The following YTHDC2 variants were observed in gnomAD, a reference collection of about 807,000 sequenced individuals.
YTHDC2 encodes YTH N6-methyladenosine RNA binding protein C2, also known as 3'-5' RNA helicase YTHDC2.
YTHDC2 carries 45 observed loss-of-function variants against 174.9 expected under a neutral mutation model. The observed-to-expected ratio is 0.26, with a 90% CI of 0.20 to 0.33. YTHDC2 has a LOEUF of 0.33. Ranked by LOEUF, YTHDC2 falls within the 10% of genes least tolerant of loss-of-function variation. The pLI is 1.00. For synonymous variants in YTHDC2, 657 were observed against 574.5 expected (o/e 1.14, Z -2.05); for missense variants, 1,650 against 1,723.7 (o/e 0.96, Z 0.76).
intron 4 of YTHDC2, among the ~76,000 whole-genome samples, chr5:113,529,059 C>T (rs1774478113): frequency 6.6e-6 from 1 of 151,918 alleles, no homozygotes; most frequent in Non-Finnish European, 1.5e-5. Context: ...GATATTTTTC[C>T]AAGTCAGTGC....
At chr5:113,586,898 A>G (rs1778713169) in intron 26 of YTHDC2, among the ~76,000 whole-genome samples, 1 of 133,162 alleles carries the variant, frequency 7.5e-6, no homozygotes, top group Non-Finnish European at 1.6e-5. Flanking sequence ...ATATATAAAT[A>G]TATATTATGT....
At chr5:113,537,526 T>C (rs565876962) in intron 7 of YTHDC2, among the ~76,000 whole-genome samples, 2 of 152,014 alleles carry the variant, frequency 1.3e-5, no homozygotes, top group Admixed American at 1.3e-4. Context: ...CTAGAATTAT[T>C]CCCTTGATCC....
intron 16 of YTHDC2, 107 bp downstream of exon 16, chr5:113,554,129 ACTC>A: frequency 1.5e-6 from 1 of 651,582 alleles, no homozygotes; most frequent in Non-Finnish European, 2.0e-6. Flanking sequence ...TTTTACCTCT[ACTC>A]AAGACAGCTT....
chr5:113,533,816 T>C (rs10477495), intron 5 of YTHDC2, among the ~76,000 whole-genome samples: 49,165 of 151,938 alleles, frequency 0.32, 9,875 homozygotes, highest in African/African-American at 0.55. Context: ...AAAGGAAATG[T>C]TCATCAGAGG....
Position 113,513,890 on chromosome 5 carries a change from A to G in YTHDC2, c.-6A>G, listed in dbSNP as rs559731606. On this transcript the variant is annotated 5_prime_UTR_variant, in exon 1 of 30. Transcript: ENST00000161863. ...TCCCGTGCGGAGAGACCATCTCTTC[A>G]GGGCAATGTCCAGGCCGAGCAGCGT... is the stretch of plus-strand genomic sequence containing the variant. 59 of 1,600,318 alleles carry G rather than the reference A, an allele frequency of 3.7e-5. No homozygotes were observed. In the South Asian group the frequency reaches 6.1e-4, roughly 17 times the overall value.
Position 113,593,565 on chromosome 5 carries a change from A to T in YTHDC2, c.*91A>T, listed in dbSNP as rs1464549722. 2.0e-6 allele frequency: 1 copy of T among 492,286 alleles called. No homozygotes were observed. Among genetic ancestry groups the T allele is most frequent in the South Asian group, 3.4e-5 (1 of 29,844 alleles). The allele number at this position is 492,286 out of a possible 1,614,324, so 30.5% of individuals were successfully genotyped here. ...CAAAAACTGAGGTGGGGTGTGTGTT[A>T]CGAATGGGCTTTTTAACACTTTTAG... is the stretch of plus-strand genomic sequence containing the variant. On this transcript the variant is annotated 3_prime_UTR_variant, in exon 30 of 30. Coordinates refer to ENST00000161863, the MANE Select transcript of YTHDC2 (RefSeq NM_022828.5).
chr5:113,526,979 G>C (rs768627758), intron 4 of YTHDC2, among the ~76,000 whole-genome samples, 194 bp downstream of exon 4: 3 of 151,796 alleles, frequency 2.0e-5, no homozygotes, highest in Non-Finnish European at 4.4e-5. Context: ...TGGAGAATTT[G>C]TAGAAAGAAA....
chr5:113,559,633 A>T (rs1352703578), intron 17 of YTHDC2, among the ~76,000 whole-genome samples: 4 of 152,248 alleles, frequency 2.6e-5, no homozygotes, highest in African/African-American at 4.8e-5. Flanking sequence ...CAGTTGGTTC[A>T]GGTTACCCAA....
intron 10 of YTHDC2, among the ~76,000 whole-genome samples, chr5:113,546,443 T>A (rs1383792615): frequency 6.6e-6 from 1 of 152,188 alleles, no homozygotes; most frequent in African/African-American, 2.4e-5. Flanking sequence ...CTTCTCATCT[T>A]TTTGTTTCAT....
Position 113,513,738 on chromosome 5 carries a change from G to T in YTHDC2, c.-158G>T, listed in dbSNP as rs936921925. On this transcript the variant is annotated 5_prime_UTR_variant, in exon 1 of 30. Coordinates refer to ENST00000161863, the MANE Select transcript of YTHDC2 (RefSeq NM_022828.5). ...TATCAATGGCGCAGGCTTCACTTCT[G>T]CTGTGGCGGTGACTGAGGCCTTTCT... The T allele has an allele frequency of 2.7e-6, 2 of 743,104 alleles. No homozygotes were observed. Among genetic ancestry groups the T allele is most frequent in the South Asian group, 2.0e-5 (1 of 50,094 alleles). 46.0% of individuals were successfully genotyped at this position (743,104 alleles called of 1,614,324 possible). A position where few individuals can be genotyped will look rare whatever the true frequency, so the allele number is the denominator to read the frequency against.
chr5:113,553,312 A>T lies in YTHDC2; in HGVS notation c.1820A>T (p.Asp607Val). ...HSFDDEKVDL[D>V]LIMHLLYNIC... Reference sequence around the variant, plus strand: ...TTCGATGATGAAAAAGTAGACTTGGATTTGATCATGCATCTTCTATACAAT... The same window carrying T: ...TTCGATGATGAAAAAGTAGACTTGGTTTTGATCATGCATCTTCTATACAAT... Residue 607 changes from aspartate to valine, a missense_variant, in exon 13 of 30, where the codon GAT becomes GTT. This residue lies in a region of YTHDC2 where 411 missense variants were observed against 380.6 expected (regional missense o/e 1.08). Transcript: ENST00000161863. The T allele has an allele frequency of 6.2e-7, 1 of 1,611,692 alleles. No individual in the cohort carries two copies. Among genetic ancestry groups the T allele is most frequent in the Non-Finnish European group, 8.5e-7 (1 of 1,178,992 alleles).
chr5:113,530,141 TA>T (rs1774556172), intron 4 of YTHDC2, among the ~76,000 whole-genome samples: 1 of 152,184 alleles, frequency 6.6e-6, no homozygotes, highest in Non-Finnish European at 1.5e-5. Context: ...TTATATTGTT[TA>T]AAAAATTCAT....
chr5:113,559,175 GGGTGGGT>G (rs1221236454), intron 17 of YTHDC2, among the ~76,000 whole-genome samples: 1 of 152,078 alleles, frequency 6.6e-6, no homozygotes, highest in Non-Finnish European at 1.5e-5. Context: ...AGAGGCTGAA[GGGTGGGT>G]ATAGTGTAGG....
At chr5:113,589,408 A>AAATATATATATATATATATAT (rs368975720) in intron 26 of YTHDC2, among the ~76,000 whole-genome samples, 6 of 123,238 alleles carry the variant, frequency 4.9e-5, no homozygotes, top group African/African-American at 1.4e-4. Context: ...AAAAAAAAAA[A>AAATATATATATATATATATAT]ATATATATAT....
intron 28 of YTHDC2, 135 bp downstream of exon 28, chr5:113,592,313 T>C (rs1357330226): frequency 1.1e-6 from 1 of 873,586 alleles, no homozygotes; most frequent in East Asian, 3.0e-5. Context: ...GGGTTCAGGT[T>C]TGTAAAAAGA....
chr5:113,589,584 A>T (rs1436330692), intron 26 of YTHDC2, among the ~76,000 whole-genome samples: 1 of 151,594 alleles, frequency 6.6e-6, no homozygotes, highest in Non-Finnish European at 1.5e-5. Context: ...TAAAAAAATT[A>T]GTTGGGCATG....
chr5:113,574,089 C>T (rs770282064), intron 23 of YTHDC2, among the ~76,000 whole-genome samples: 9 of 152,114 alleles, frequency 5.9e-5, no homozygotes, highest in South Asian at 2.1e-4. Context: ...CTCACCTTTG[C>T]GGGCTTATCT....
chr5:113,532,855 C>T (rs1024833069), intron 4 of YTHDC2, 24 bp from the exon 5 acceptor site: 3 of 1,588,758 alleles, frequency 1.9e-6, no homozygotes, highest in East Asian at 2.2e-5. Context: ...TGTCATCTTA[C>T]AGTTTTTAAA....
chr5:113,583,035 A>C (rs989402550), intron 25 of YTHDC2: 5 of 152,166 alleles, frequency 3.3e-5, no homozygotes, highest in Non-Finnish European at 7.4e-5. Context: ...TTTCCATAGG[A>C]GTTATTCTGT....
Sources: allele counts gnomAD v4.1 joint callset (sites outside exome capture counted in the v4.1 genomes callset), GRCh38; gene constraint gnomAD v4.1.1; regional missense constraint gnomAD v4.1.1; transcripts MANE v1.5; gene names NCBI Gene and HGNC (gene_info 2026-07-23, HGNC 2026-07-21).